The following PDILT variants were observed in gnomAD, a reference collection of about 807,000 sequenced individuals.
PDILT encodes the protein protein disulfide-isomerase-like protein of the testis.
Under a neutral mutation model 53.7 loss-of-function variants are expected in PDILT, and 43 were observed. The observed-to-expected ratio is 0.80, with a 90% confidence interval of 0.63 to 1.03. The LOEUF (loss-of-function observed/expected upper bound fraction) is 1.03, where lower values mean the gene tolerates loss of function less well. Ranked by LOEUF, PDILT falls within the 50% of genes least tolerant of loss-of-function variation. The probability of loss-of-function intolerance (pLI) is 0.00; values close to 1 mark genes in which losing one functional copy is unlikely to be tolerated. For synonymous variants in PDILT, 282 were observed against 274.2 expected, an observed-to-expected ratio of 1.03 and a Z score of -0.28; for missense variants, 727 against 712.3, an observed-to-expected ratio of 1.02 and a Z score of -0.24.
At chr16:20,376,297 T>C in intron 3 of PDILT, 96 bp from the exon 4 acceptor site, 1 of 1,463,808 alleles carries the variant, frequency 6.8e-7, no homozygotes. Context: ...TAGAACCTTC[T>C]TGTCTCAGGC....
chr16:20,367,039 CTTTCTTTCTTTCTTTCTTTCTTTCT>C (rs2038081953), intron 8 of PDILT, among the ~76,000 whole-genome samples: 1 of 27,674 alleles, frequency 3.6e-5, no homozygotes, highest in African/African-American at 1.5e-4. Flanking sequence ...TTCTTTCTTT[CTTTCTTTCTTTCTTTCTTTCTTTCT>C]TTCTTTCTTT....
intron 8 of PDILT, among the ~76,000 whole-genome samples, chr16:20,368,285 C>G (rs2141707656): frequency 6.6e-6 from 1 of 152,124 alleles, no homozygotes; most frequent in Non-Finnish European, 1.5e-5. Context: ...CCTAAGTCCT[C>G]AGAGAGTGAA....
chr16:20,362,012 C>T (rs1254243507), intron 10 of PDILT, among the ~76,000 whole-genome samples: 2 of 152,176 alleles, frequency 1.3e-5, no homozygotes, highest in East Asian at 3.9e-4. Flanking sequence ...TTGTCTCTAG[C>T]ATGTATTTTT....
intron 2 of PDILT, among the ~76,000 whole-genome samples, chr16:20,387,649 C>T (rs1966557566): frequency 6.7e-6 from 1 of 150,248 alleles, no homozygotes; most frequent in African/African-American, 2.5e-5. Context: ...TTAGACGGAT[C>T]TTGTTCTGTC....
At chr16:20,370,181 G>T (rs1309132424) in intron 7 of PDILT, among the ~76,000 whole-genome samples, 1 of 151,914 alleles carries the variant, frequency 6.6e-6, no homozygotes, top group Admixed American at 6.6e-5. Flanking sequence ...AACATTCATG[G>T]AGTGTCTACT....
Position 20,371,586 on chromosome 16 carries a change from G to T in PDILT, c.918+1216C>A, listed in dbSNP as rs140134839. On this transcript the variant is annotated intron_variant, in intron 7 of 11. Transcript: ENST00000302451. ...CTGTTGAAACAGTATTAATTCAACT[G>T]TTTAGCGTTGTCTGTGAAATGGATC... 4.1e-3 allele frequency among the ~76,000 whole-genome samples: 632 copies of T among 152,320 alleles called. 1 individual carries two copies. The highest frequency in any genetic ancestry group is 7.7e-3 in the South Asian group (37 of 4,824).
chr16:20,383,549 G>T (rs764440328), intron 3 of PDILT, among the ~76,000 whole-genome samples: 1 of 151,670 alleles, frequency 6.6e-6, no homozygotes, highest in African/African-American at 2.4e-5. Context: ...CTCTTGTGGC[G>T]CCTTTCTCTG....
chr16:20,374,660 G>T (rs1299003402), intron 5 of PDILT, among the ~76,000 whole-genome samples, 162 bp downstream of exon 5: 1 of 152,168 alleles, frequency 6.6e-6, no homozygotes, highest in Non-Finnish European at 1.5e-5. Flanking sequence ...TAAATGGCTG[G>T]AAAGGTTGGA....
intron 7 of PDILT, among the ~76,000 whole-genome samples, chr16:20,370,415 G>GGGT (rs1966288189): frequency 6.6e-6 from 1 of 152,180 alleles, no homozygotes; most frequent in Non-Finnish European, 1.5e-5. Context: ...GGATTAGGTA[G>GGGT]GGTGGTCAAG....
At chr16:20,376,455 A>T (rs993016723) in intron 3 of PDILT, among the ~76,000 whole-genome samples, 1 of 152,196 alleles carries the variant, frequency 6.6e-6, no homozygotes, top group Non-Finnish European at 1.5e-5. Context: ...TTAAATCTTC[A>T]CAATAATCCT....
At position 20,365,551 on chromosome 16, in the gene PDILT, C is replaced by T. The variant is rs955803207; in HGVS notation, c.1117-11G>A. ...ACTGGATTGATGTTTCTAGGAAGCA[C>T]ATTTGAGAGGCCTAAGAGTCTTCAT... On this transcript the variant is annotated splice_polypyrimidine_tract_variant and intron_variant, in intron 8 of 11. Coordinates refer to ENST00000302451, the MANE Select transcript of PDILT (RefSeq NM_174924.2). 6.8e-6 allele frequency: 11 copies of T among 1,613,950 alleles called. No homozygotes were observed. Among genetic ancestry groups the T allele is most frequent in the Admixed American group, 5.0e-5 (3 of 60,002 alleles).
At chr16:20,372,210 C>A (rs1966317068) in intron 7 of PDILT, among the ~76,000 whole-genome samples, 1 of 152,130 alleles carries the variant, frequency 6.6e-6, no homozygotes, top group East Asian at 1.9e-4. Flanking sequence ...CATTGCTTTA[C>A]ATATATATTT....
At position 20,360,851 on chromosome 16, in the gene PDILT, T is replaced by G. The variant is rs186889176; in HGVS notation, c.1417-194A>C. ...TAAAAATGCTTCTGACATAGGGTTG[T>G]TATGCAGTGGATCAAAGCACGGACT... On this transcript the variant is annotated intron_variant, in intron 10 of 11. Coordinates refer to ENST00000302451, the MANE Select transcript of PDILT (RefSeq NM_174924.2). Among the ~76,000 whole-genome samples the G allele has an allele frequency of 2.6e-5, 4 of 152,342 alleles. No individual in the cohort carries two copies. The East Asian group carries it at 7.7e-4, about 29-fold the overall frequency.
In PDILT at chr16:20,365,480, C is replaced by G. The variant is rs147887176; in HGVS notation, c.1177G>C (p.Val393Leu). 6.2e-7 allele frequency: 1 copy of G among 1,613,838 alleles called. No individual in the cohort carries two copies. Residue 393 changes from valine to leucine, a missense_variant, in exon 9 of 12, where the codon GTG (valine) becomes CTG (leucine). Physicochemically the swap from Val to Leu is conservative, Grantham distance 32. Transcript: ENST00000302451. Reference sequence around the variant, plus strand: ...ACGACTACGTTGAAGTTCTTCCCCACGAGCTGCTTAACCAGTCCCTGGTCC... The same window carrying G: ...ACGACTACGTTGAAGTTCTTCCCCAGGAGCTGCTTAACCAGTCCCTGGTCC... ...YWDQGLVKQL[V>L]GKNFNVVVFD...
intron 2 of PDILT, among the ~76,000 whole-genome samples, chr16:20,396,924 G>A (rs1035899199): frequency 6.6e-6 from 1 of 152,094 alleles, no homozygotes; most frequent in Non-Finnish European, 1.5e-5. Context: ...ACAGGGGACT[G>A]CATATCTGAG....
At chr16:20,392,908 A>G (rs1830735714) in intron 2 of PDILT, among the ~76,000 whole-genome samples, 1 of 152,168 alleles carries the variant, frequency 6.6e-6, no homozygotes. Flanking sequence ...AGAGCCTTCT[A>G]TTCTCATGTG....
chr16:20,404,199 C>T lies in PDILT; in HGVS notation c.-8+297G>A, dbSNP rs1471220270. 2.0e-5 allele frequency among the ~76,000 whole-genome samples: 3 copies of T among 152,176 alleles called. 1 individual carries two copies. Among genetic ancestry groups the T allele is most frequent in the Non-Finnish European group, 4.4e-5 (3 of 68,036 alleles). ...GGCCTAATTTAACTCTTACAGCAAA[C>T]CCCATTGGTTCATTTCAGTGGTTCT... On this transcript the variant is annotated intron_variant, in intron 1 of 11. Transcript: ENST00000302451.
At chr16:20,384,450 C>T (rs573792810) in intron 3 of PDILT, among the ~76,000 whole-genome samples, 195 bp downstream of exon 3, 6 of 152,248 alleles carry the variant, frequency 3.9e-5, no homozygotes, top group Admixed American at 2.0e-4. Flanking sequence ...ACCTTCTACC[C>T]CTTACCCCAA....
At chr16:20,366,409 C>T (rs1966192499) in intron 8 of PDILT, among the ~76,000 whole-genome samples, 1 of 152,202 alleles carries the variant, frequency 6.6e-6, no homozygotes, top group African/African-American at 2.4e-5. Flanking sequence ...CCTTGACCCT[C>T]CCCGCATCTA....
Sources: allele counts gnomAD v4.1 joint callset (sites outside exome capture counted in the v4.1 genomes callset), GRCh38; gene constraint gnomAD v4.1.1; transcripts MANE v1.5; gene names NCBI Gene and HGNC (gene_info 2026-07-23, HGNC 2026-07-21).